The following CCDC102B variants were observed in gnomAD, a reference collection of about 807,000 sequenced individuals.
CCDC102B encodes the protein coiled-coil domain containing 102B.
A neutral mutation model predicts 57.4 loss-of-function variants in CCDC102B; 75 were observed. The observed-to-expected ratio is 1.31, with a 90% CI of 1.08 to 1.58. The LOEUF is 1.58. Among genes scored for constraint, CCDC102B ranks in the 40% most tolerant of loss-of-function variants. The pLI is 0.00. For synonymous variants in CCDC102B, 206 were observed against 201.9 expected (o/e 1.02, Z -0.17); for missense variants, 636 against 582.6 (o/e 1.09, Z -0.94).
intron 7 of CCDC102B, among the ~76,000 whole-genome samples, chr18:69,017,484 A>C (rs973200345): frequency 2.0e-5 from 3 of 152,086 alleles, no homozygotes; most frequent in African/African-American, 7.2e-5. Context: ...TTGTAATTAC[A>C]TTTATTTTTA....
intron 1 of CCDC102B, among the ~76,000 whole-genome samples, chr18:68,836,542 C>T (rs1214802301): frequency 6.7e-6 from 1 of 149,480 alleles, no homozygotes; most frequent in Admixed American, 6.8e-5. Context: ...GCAAGGGAAT[C>T]GCTTGAACCC....
At position 69,055,188 on chromosome 18, in the gene CCDC102B, T is replaced by C; in HGVS notation, c.*1051T>C. On this transcript the variant is annotated 3_prime_UTR_variant, in exon 8 of 8. Coordinates refer to ENST00000360242, the MANE Select transcript of CCDC102B (RefSeq NM_024781.3). Reference sequence around the variant, plus strand: ...TGAATAAAGACCACTTTTATCAGAGTCTCTCATTGTAAAAGCCTTTGTCAT... The same window carrying C: ...TGAATAAAGACCACTTTTATCAGAGCCTCTCATTGTAAAAGCCTTTGTCAT... 1.0e-6 allele frequency: 1 copy of C among 958,380 alleles called. No homozygotes were observed. The highest frequency in any genetic ancestry group is 5.3e-4 in the Middle Eastern group (1 of 1,876). The allele number at this position is 958,380 out of a possible 1,614,324, so 59.4% of individuals were successfully genotyped here.
At chr18:68,795,025 T>TAAA (rs5825874), upstream of CCDC102B, among the ~76,000 whole-genome samples, 116 of 134,506 alleles carry the variant, frequency 8.6e-4, 1 homozygote, top group Middle Eastern at 3.9e-3. Flanking sequence ...AACTCGCCAG[T>TAAA]AAAAAAAAAA....
At chr18:68,991,328 T>A (rs2050862195) in intron 6 of CCDC102B, among the ~76,000 whole-genome samples, 1 of 152,204 alleles carries the variant, frequency 6.6e-6, no homozygotes, top group African/African-American at 2.4e-5. Flanking sequence ...AAAGGCTGAT[T>A]TATCAAATGA....
intron 5 of CCDC102B, among the ~76,000 whole-genome samples, chr18:68,888,494 T>G (rs1167601147): frequency 1.3e-5 from 2 of 152,222 alleles, no homozygotes; most frequent in Non-Finnish European, 2.9e-5. Flanking sequence ...TGACATGTTG[T>G]GGGGTGCCAC....
intron 2 of CCDC102B, among the ~76,000 whole-genome samples, chr18:68,757,136 T>C (rs892548250): frequency 2.6e-5 from 4 of 152,180 alleles, no homozygotes; most frequent in Admixed American, 6.6e-5. Context: ...CATTCTGTTA[T>C]ATTATAATTG....
intron 3 of CCDC102B, among the ~76,000 whole-genome samples, chr18:68,841,165 A>T (rs903561541): frequency 2.0e-5 from 3 of 152,190 alleles, no homozygotes; most frequent in Non-Finnish European, 4.4e-5. Context: ...CTAATCTTTT[A>T]AATTCTTCTT....
In CCDC102B at chr18:68,838,700, C is replaced by T. The variant is rs1221833346; in HGVS notation, c.607-6C>T. On this transcript the variant is annotated splice_region_variant and splice_polypyrimidine_tract_variant and intron_variant, in intron 2 of 7. Coordinates refer to ENST00000360242, the MANE Select transcript of CCDC102B (RefSeq NM_024781.3). ...TTAAATATGTTTTGTTTTGTTTTGT[C>T]TTCAGGAACAAGGTGTGGTTATTGA... 6.2e-7 allele frequency: 1 copy of T among 1,611,770 alleles called. No individual in the cohort carries two copies. The highest frequency in any genetic ancestry group is 1.3e-5 in the African/African-American group (1 of 74,884).
chr18:68,966,572 C>T (rs181262070), intron 6 of CCDC102B, among the ~76,000 whole-genome samples: 2 of 152,218 alleles, frequency 1.3e-5, no homozygotes, highest in Non-Finnish European at 2.9e-5. Flanking sequence ...ATCTCAATAT[C>T]TGCCCATCCT....
chr18:68,847,195 G>A (rs972283832), intron 4 of CCDC102B, among the ~76,000 whole-genome samples: 58 of 133,880 alleles, frequency 4.3e-4, no homozygotes, highest in African/African-American at 1.1e-3. Flanking sequence ...ACATGTATAC[G>A]TCTGTGCACA....
At chr18:68,799,244 T>A (rs2144678788) in intron 1 of CCDC102B, among the ~76,000 whole-genome samples, 1 of 152,258 alleles carries the variant, frequency 6.6e-6, no homozygotes, top group Non-Finnish European at 1.5e-5. Context: ...CGATACAATA[T>A]CTGTGTAGGT....
intron 5 of CCDC102B, among the ~76,000 whole-genome samples, chr18:68,875,662 AG>A (rs1216059403): frequency 6.6e-6 from 1 of 152,154 alleles, no homozygotes; most frequent in African/African-American, 2.4e-5. Context: ...GCTAGAAATC[AG>A]CTCCTGATTA....
intron 6 of CCDC102B, among the ~76,000 whole-genome samples, chr18:68,939,895 T>A (rs2049334232): frequency 6.6e-6 from 1 of 151,896 alleles, no homozygotes; most frequent in East Asian, 1.9e-4. Context: ...TAATACCAAA[T>A]CCTTTGAACA....
At chr18:68,756,880 G>GGTGT (rs34070734) in intron 2 of CCDC102B, among the ~76,000 whole-genome samples, 66 of 150,252 alleles carry the variant, frequency 4.4e-4, no homozygotes, top group Admixed American at 1.3e-3. Flanking sequence ...TGCTATATCT[G>GGTGT]GTGTGTGTGT....
At chr18:68,986,213 A>C (rs1215673461) in intron 6 of CCDC102B, among the ~76,000 whole-genome samples, 1 of 152,174 alleles carries the variant, frequency 6.6e-6, no homozygotes, top group East Asian at 1.9e-4. Flanking sequence ...AGAAAACTTC[A>C]GGTCCAAAAC....
At chr18:69,053,000 T>C (rs1335812022) in intron 7 of CCDC102B, among the ~76,000 whole-genome samples, 1 of 151,912 alleles carries the variant, frequency 6.6e-6, no homozygotes, top group Admixed American at 6.6e-5. Flanking sequence ...GACTTGAGCA[T>C]ATGTGGATTT....
At chr18:68,737,713 A>T (rs1568224983) in intron 2 of CCDC102B, among the ~76,000 whole-genome samples, 1 of 152,162 alleles carries the variant, frequency 6.6e-6, no homozygotes, top group South Asian at 2.1e-4. Flanking sequence ...TCAATTATGT[A>T]GCAGCAGCCC....
chr18:68,973,664 T>C (rs2050356958), intron 6 of CCDC102B, among the ~76,000 whole-genome samples: 1 of 152,066 alleles, frequency 6.6e-6, no homozygotes, highest in Non-Finnish European at 1.5e-5. Context: ...TGTGGATAGA[T>C]TTTTTCTTGT....
At chr18:68,854,904 T>A (rs1044447999) in intron 4 of CCDC102B, among the ~76,000 whole-genome samples, 5 of 152,214 alleles carry the variant, frequency 3.3e-5, no homozygotes, top group Non-Finnish European at 7.3e-5. Flanking sequence ...TTGCTGCTTC[T>A]TTGTGTTTGC....
Sources: allele counts gnomAD v4.1 joint callset (sites outside exome capture counted in the v4.1 genomes callset), GRCh38; gene constraint gnomAD v4.1.1; transcripts MANE v1.5; gene names NCBI Gene and HGNC (gene_info 2026-07-23, HGNC 2026-07-21).